The following ADCY2 variants were observed in gnomAD, a reference collection of about 807,000 sequenced individuals.
ADCY2 encodes the protein adenylate cyclase type 2.
A neutral mutation model predicts 125.2 loss-of-function variants in ADCY2; 31 were observed. The ratio of observed to expected loss-of-function variants is 0.25; its 90% CI spans 0.19 to 0.33. The LOEUF (loss-of-function observed/expected upper bound fraction) is 0.33, where lower values mean the gene tolerates loss of function less well. Ranked by LOEUF, ADCY2 falls within the 10% of genes least tolerant of loss-of-function variation. The pLI is 1.00. For synonymous variants in ADCY2, 512 were observed against 548.4 expected, an observed-to-expected ratio of 0.93 and a Z score of 0.93; for missense variants, 904 against 1,418.2, an observed-to-expected ratio of 0.64 and a Z score of 5.82.
At chr5:7,399,710 A>T (rs1435040764) in intron 1 of ADCY2, among the ~76,000 whole-genome samples, 1 of 152,250 alleles carries the variant, frequency 6.6e-6, no homozygotes, top group African/African-American at 2.4e-5. Flanking sequence ...TAATATGAGT[A>T]ATAGTTTCTG....
chr5:7,568,558 A>G (rs1735978139), intron 3 of ADCY2, among the ~76,000 whole-genome samples: 1 of 152,164 alleles, frequency 6.6e-6, no homozygotes, highest in South Asian at 2.1e-4. Flanking sequence ...ACAGAGTCCA[A>G]GATGGGAGGT....
intron 23 of ADCY2, among the ~76,000 whole-genome samples, chr5:7,820,126 C>T (rs1745250170): frequency 6.6e-6 from 1 of 152,124 alleles, no homozygotes; most frequent in Non-Finnish European, 1.5e-5. Flanking sequence ...TTATTTCTTA[C>T]CTCTTCTGTA....
chr5:7,635,817 A>T (rs1483431606), intron 4 of ADCY2, among the ~76,000 whole-genome samples: 2 of 152,210 alleles, frequency 1.3e-5, no homozygotes, highest in Admixed American at 6.5e-5. Context: ...TCAACCAGTT[A>T]TATAGATGAT....
intron 2 of ADCY2, among the ~76,000 whole-genome samples, chr5:7,434,945 T>C (rs1244713479): frequency 6.6e-6 from 1 of 152,214 alleles, no homozygotes; most frequent in East Asian, 1.9e-4. Context: ...CAAATGCCAA[T>C]TTATTATTCA....
At chr5:7,531,718 G>A (rs1352884284) in intron 3 of ADCY2, among the ~76,000 whole-genome samples, 2 of 152,026 alleles carry the variant, frequency 1.3e-5, no homozygotes, top group African/African-American at 2.4e-5. Flanking sequence ...CCTCTCTTCT[G>A]TCTCTCATAA....
intron 10 of ADCY2, among the ~76,000 whole-genome samples, chr5:7,712,254 G>T (rs540027296): frequency 6.6e-6 from 1 of 152,182 alleles, no homozygotes; most frequent in Non-Finnish European, 1.5e-5. Flanking sequence ...TTCCTTGAAA[G>T]CCTATTATTG....
chr5:7,736,302 A>AT (rs1414496849), intron 14 of ADCY2, among the ~76,000 whole-genome samples: 1 of 152,168 alleles, frequency 6.6e-6, no homozygotes, highest in Non-Finnish European at 1.5e-5. Flanking sequence ...TTGTAAGTAG[A>AT]TTTTTTTAAT....
chr5:7,699,058 T>A (rs1356861592), intron 7 of ADCY2, among the ~76,000 whole-genome samples: 1 of 130,458 alleles, frequency 7.7e-6, no homozygotes, highest in African/African-American at 2.6e-5. Context: ...TGTTGTTTCC[T>A]GAGTCAGGAA....
chr5:7,403,238 G>T (rs1739337735), intron 1 of ADCY2, among the ~76,000 whole-genome samples: 1 of 152,036 alleles, frequency 6.6e-6, no homozygotes, highest in African/African-American at 2.4e-5. Flanking sequence ...CATTATGAAA[G>T]AAATAAAATT....
intron 4 of ADCY2, among the ~76,000 whole-genome samples, chr5:7,636,242 A>G (rs1738499309): frequency 6.6e-6 from 1 of 152,264 alleles, no homozygotes; most frequent in Admixed American, 6.5e-5. Flanking sequence ...AGCAAAAAGC[A>G]GGGAGCCATC....
chr5:7,698,131 C>G (rs1411222978), intron 6 of ADCY2, 116 bp from the exon 7 acceptor site: 12 of 1,294,284 alleles, frequency 9.3e-6, no homozygotes, highest in South Asian at 5.4e-5. Context: ...TCTCATTGCT[C>G]TCTCCAGATG....
intron 4 of ADCY2, among the ~76,000 whole-genome samples, chr5:7,658,404 T>C (rs1162211301): frequency 7.2e-6 from 1 of 138,102 alleles, no homozygotes; most frequent in African/African-American, 2.6e-5. Flanking sequence ...GAGAATTGTG[T>C]GTGTGTGTGT....
At chr5:7,545,424 T>G (rs1338111235) in intron 3 of ADCY2, among the ~76,000 whole-genome samples, 1 of 152,172 alleles carries the variant, frequency 6.6e-6, no homozygotes, top group East Asian at 1.9e-4. Context: ...TCCTGGATAC[T>G]TAAAAACCAG....
At chr5:7,634,938 T>C (rs558206590) in intron 4 of ADCY2, among the ~76,000 whole-genome samples, 1 of 152,258 alleles carries the variant, frequency 6.6e-6, no homozygotes, top group East Asian at 1.9e-4. Flanking sequence ...GAGGCTTCTC[T>C]GGGGATGTGA....
chr5:7,684,775 C>CTT (rs10662818), intron 4 of ADCY2, among the ~76,000 whole-genome samples: 55,097 of 141,202 alleles, frequency 0.39, 11,534 homozygotes, highest in African/African-American at 0.44. Context: ...TCTGTTGTGC[C>CTT]TTTTTTTTTT....
At chr5:7,703,812 G>A (rs1007073406) in intron 7 of ADCY2, among the ~76,000 whole-genome samples, 10 of 151,808 alleles carry the variant, frequency 6.6e-5, no homozygotes, top group African/African-American at 2.4e-4. Flanking sequence ...AAATTACCTT[G>A]GACAGTATGT....
At chr5:7,608,878 G>T (rs939254881) in intron 3 of ADCY2, among the ~76,000 whole-genome samples, 10 of 152,184 alleles carry the variant, frequency 6.6e-5, no homozygotes, top group Admixed American at 2.6e-4. Context: ...ATATGGGCCA[G>T]GTACTGAAGT....
chr5:7,412,701 A>G (rs1739772239), intron 1 of ADCY2, among the ~76,000 whole-genome samples: 1 of 152,240 alleles, frequency 6.6e-6, no homozygotes, highest in African/African-American at 2.4e-5. Context: ...GGCCACGGCA[A>G]CAACTAGCCC....
At chr5:7,422,942 C>T (rs568686827) in intron 2 of ADCY2, among the ~76,000 whole-genome samples, 27 of 152,158 alleles carry the variant, frequency 1.8e-4, no homozygotes, top group Admixed American at 1.6e-3. Context: ...CTGGAAGAAC[C>T]GAGTAGCATA....
Sources: gnomAD v4.1 joint callset for allele counts (sites outside exome capture counted in the v4.1 genomes callset) on GRCh38, gnomAD v4.1.1 for gene constraint, MANE v1.5 for transcripts, NCBI Gene and HGNC (gene_info 2026-07-23, HGNC 2026-07-21) for gene names.